The following CTXND2 variants were observed in gnomAD, a reference collection of about 807,000 sequenced individuals.
CTXND2 encodes the protein cortexin domain containing 2.
chr1:150,904,069 C>A (rs373595800), intron 1 of CTXND2: 1 of 664,340 alleles, frequency 1.5e-6, no homozygotes. Flanking sequence ...ACAAAGGCAT[C>A]ATCTGGGGAG....
intron 1 of CTXND2, among the ~76,000 whole-genome samples, chr1:150,904,615 T>C (rs1312772574): frequency 6.6e-6 from 1 of 152,208 alleles, no homozygotes; most frequent in Non-Finnish European, 1.5e-5. Flanking sequence ...CCAAGCAAGA[T>C]TCACCTGTGT....
intron 1 of CTXND2, among the ~76,000 whole-genome samples, 190 bp downstream of exon 1, chr1:150,887,503 G>C (rs1668789068): frequency 6.6e-6 from 1 of 151,888 alleles, no homozygotes. Flanking sequence ...ATGTTGCCCA[G>C]ACTGAACTCA....
At chr1:150,905,833 A>G (rs1262834865) in intron 1 of CTXND2, among the ~76,000 whole-genome samples, 3 of 152,070 alleles carry the variant, frequency 2.0e-5, no homozygotes, top group African/African-American at 7.2e-5. Context: ...TACTAAAAAT[A>G]CAAAAAATTA....
intron 1 of CTXND2, among the ~76,000 whole-genome samples, chr1:150,888,070 A>T (rs950522103): frequency 1.6e-5 from 1 of 63,762 alleles, no homozygotes; most frequent in Admixed American, 2.3e-4. Flanking sequence ...AAAGCCACTT[A>T]AAAAAAATTC....
intron 1 of CTXND2, among the ~76,000 whole-genome samples, chr1:150,908,457 G>A (rs1248624631): frequency 6.6e-6 from 1 of 152,146 alleles, no homozygotes; most frequent in Non-Finnish European, 1.5e-5. Flanking sequence ...TCATCCTAGT[G>A]GGTGTGAAGT....
intron 1 of CTXND2, among the ~76,000 whole-genome samples, chr1:150,896,567 T>C (rs1668915685): frequency 6.6e-6 from 1 of 152,228 alleles, no homozygotes; most frequent in African/African-American, 2.4e-5. Flanking sequence ...ATTTCCTCAC[T>C]GTCCTTTGCT....
chr1:150,900,864 G>A (rs1246646595), intron 1 of CTXND2, among the ~76,000 whole-genome samples: 1 of 152,154 alleles, frequency 6.6e-6, no homozygotes, highest in Non-Finnish European at 1.5e-5. Flanking sequence ...GGGCATGGTG[G>A]CTCACGCCTG....
intron 1 of CTXND2, among the ~76,000 whole-genome samples, chr1:150,910,120 GTTTTTTTT>G (rs1023134562): frequency 1.5e-5 from 2 of 131,222 alleles, no homozygotes; most frequent in East Asian, 4.4e-4. Context: ...TCTTTTTTCT[GTTTTTTTT>G]TTTTCTTTTT....
At chr1:150,899,714 T>C (rs1668966975) in intron 1 of CTXND2, among the ~76,000 whole-genome samples, 1 of 152,028 alleles carries the variant, frequency 6.6e-6, no homozygotes, top group African/African-American at 2.4e-5. Context: ...TCCCAACACT[T>C]TGGGAGGCCA....
intron 1 of CTXND2, among the ~76,000 whole-genome samples, chr1:150,895,872 G>A (rs1668909310): frequency 6.6e-6 from 1 of 152,150 alleles, no homozygotes; most frequent in African/African-American, 2.4e-5. Flanking sequence ...AATGACAGTA[G>A]CAGCAGTGCT....
chr1:150,889,875 A>G (rs994285958), intron 1 of CTXND2, among the ~76,000 whole-genome samples: 3 of 152,124 alleles, frequency 2.0e-5, no homozygotes, highest in African/African-American at 7.2e-5. Context: ...AATCCATGCT[A>G]TGAATGGGAC....
chr1:150,912,020 T>C (rs1454888255), intron 1 of CTXND2, among the ~76,000 whole-genome samples: 4 of 152,230 alleles, frequency 2.6e-5, no homozygotes, highest in Non-Finnish European at 5.9e-5. Context: ...ATACATTTGC[T>C]CACGTTCTGC....
chr1:150,908,036 T>C (rs1669183669), intron 1 of CTXND2, among the ~76,000 whole-genome samples: 1 of 139,514 alleles, frequency 7.2e-6, no homozygotes, highest in Admixed American at 7.4e-5. Flanking sequence ...TTAGACAGTG[T>C]CTCACTCTGT....
intron 1 of CTXND2, among the ~76,000 whole-genome samples, chr1:150,900,077 C>T (rs587667453): frequency 3.9e-5 from 6 of 152,264 alleles, no homozygotes; most frequent in Admixed American, 2.0e-4. Flanking sequence ...GCCGCCTGAG[C>T]CAGCAGCAGC....
At chr1:150,904,088 C>T in intron 1 of CTXND2, 1 of 665,054 alleles carries the variant, frequency 1.5e-6, no homozygotes, top group Admixed American at 1.8e-5. Flanking sequence ...AGAGGATACG[C>T]TGATGGAGTA....
intron 1 of CTXND2, among the ~76,000 whole-genome samples, chr1:150,892,528 C>CTTTTTTTTTTTTT (rs5777740): frequency 8.1e-6 from 1 of 123,350 alleles, no homozygotes; most frequent in Non-Finnish European, 1.7e-5. Flanking sequence ...TCTTCTTCTT[C>CTTTTTTTTTTTTT]TTTTTTTTTT....
chr1:150,894,854 G>A (rs1292143843), intron 1 of CTXND2, among the ~76,000 whole-genome samples: 1 of 152,006 alleles, frequency 6.6e-6, no homozygotes, highest in Non-Finnish European at 1.5e-5. Flanking sequence ...TGGCCAACAT[G>A]GTGAAACCCC....
At chr1:150,899,915 C>T (rs61560945) in intron 1 of CTXND2, among the ~76,000 whole-genome samples, 22 of 152,242 alleles carry the variant, frequency 1.4e-4, no homozygotes, top group Non-Finnish European at 2.5e-4. Flanking sequence ...CACCAATCAG[C>T]GCTCTCTGTC....
chr1:150,896,804 A>G (rs1351917140), intron 1 of CTXND2, among the ~76,000 whole-genome samples: 1 of 152,234 alleles, frequency 6.6e-6, no homozygotes, highest in Non-Finnish European at 1.5e-5. Flanking sequence ...TTTAGGATAA[A>G]CAAATTCTAT....
Sources: allele counts gnomAD v4.1 joint callset (sites outside exome capture counted in the v4.1 genomes callset), GRCh38; gene constraint gnomAD v4.1.1; transcripts MANE v1.5; gene names NCBI Gene and HGNC (gene_info 2026-07-23, HGNC 2026-07-21).